Variants in RAD54L2 observed in about 807,000 individuals in gnomAD.
RAD54L2 encodes helicase ARIP4.
A neutral mutation model predicts 138.4 loss-of-function variants in RAD54L2; 27 were observed. The ratio of observed to expected loss-of-function variants is 0.20; its 90% CI spans 0.14 to 0.27. The LOEUF is 0.27. Ranked by LOEUF, RAD54L2 falls within the 10% of genes least tolerant of loss-of-function variation. RAD54L2 has a pLI of 1.00. For synonymous variants in RAD54L2, 644 were observed against 723.2 expected (o/e 0.89, Z 1.76); for missense variants, 1,396 against 1,890.2 (o/e 0.74, Z 4.85).
intron 9 of RAD54L2, 101 bp downstream of exon 9, chr3:51,634,136 G>C: frequency 7.0e-7 from 1 of 1,423,002 alleles, no homozygotes; most frequent in South Asian, 1.4e-5. Context: ...TGTGCATCTA[G>C]ATTTGTTTTT....
chr3:51,630,831 G>A lies in RAD54L2; in HGVS notation c.725G>A (p.Arg242His), dbSNP rs148878049. ...CATGTCAATGATGTCTTAAACCAGC[G>A]TGACGCCCTTGGGCGGGTCCTTGTC... ...GTHVNDVLNQ[R>H]DALGRVLVNL... Residue 242 changes from arginine (R) to histidine (H), a missense_variant, in exon 7 of 23, where the codon CGT (arginine) becomes CAT (histidine). Around this residue, in one of 7 missense-constraint regions of RAD54L2, gnomAD observed 256 missense variants for 344.6 expected, o/e 0.74. Coordinates refer to ENST00000684192, the MANE Select transcript of RAD54L2 (RefSeq NM_015106.4). 1.3e-4 allele frequency: 210 copies of A among 1,613,904 alleles called. No homozygotes were observed. The highest frequency in any genetic ancestry group is 1.6e-4 in the Non-Finnish European group (188 of 1,179,884).
intron 2 of RAD54L2, among the ~76,000 whole-genome samples, chr3:51,570,669 A>G (rs1241930673): frequency 1.4e-5 from 2 of 144,782 alleles, no homozygotes. Flanking sequence ...GTTGGCCAGG[A>G]TGGTCTTGAT....
chr3:51,652,327 G>T (rs1260864371), intron 19 of RAD54L2, among the ~76,000 whole-genome samples: 2 of 152,172 alleles, frequency 1.3e-5, no homozygotes, highest in Non-Finnish European at 2.9e-5. Context: ...GAGATAGGAA[G>T]AATCAACATC....
rs577212209 is a variant in RAD54L2 at position 51,609,497 on chromosome 3, A to C, written c.140-18056A>C. Among the ~76,000 whole-genome samples the C allele has an allele frequency of 2.0e-5, 3 of 152,316 alleles. No homozygotes were observed. In the South Asian group the frequency reaches 6.2e-4, roughly 32 times the overall value. On this transcript the variant is annotated intron_variant, in intron 3 of 22. Coordinates refer to ENST00000684192, the MANE Select transcript of RAD54L2 (RefSeq NM_015106.4). Reference sequence around the variant, plus strand: ...TCTGAAGGGATCATTTAAAATTTTCAGTTACACTTGAGTGCATTTTGTGGA... The same window carrying C: ...TCTGAAGGGATCATTTAAAATTTTCCGTTACACTTGAGTGCATTTTGTGGA...
chr3:51,549,073 A>G (rs1217963706), intron 2 of RAD54L2, among the ~76,000 whole-genome samples: 1 of 151,878 alleles, frequency 6.6e-6, no homozygotes, highest in African/African-American at 2.4e-5. Context: ...GCTCACTGCA[A>G]TCTCTGCCTC....
Position 51,635,688 on chromosome 3 carries a change from A to G in RAD54L2, c.1238A>G (p.Lys413Arg), listed in dbSNP as rs1291119680. The G allele has an allele frequency of 3.1e-6, 5 of 1,613,938 alleles. No individual in the cohort carries two copies. In the East Asian group the frequency reaches 1.1e-4, roughly 36 times the overall value. The part of the protein sequence containing the change: ...GYEMYRLLTL[K>R]KSFATGRPKK... ...GAGATGTACAGACTCCTCACTCTGA[A>G]GAAATCATTTGCCACAGGTAGACCG... The change falls in exon 10 of 23, where the codon AAG becomes AGG. Residue 413 changes from lysine (K) to arginine (R), a missense_variant. Coordinates refer to ENST00000684192, the MANE Select transcript of RAD54L2 (RefSeq NM_015106.4).
In RAD54L2 at chr3:51,662,525, C is replaced by G; in HGVS notation, c.3509C>G (p.Pro1170Arg). Residue 1170 changes from proline (P) to arginine (R), a missense_variant, in exon 23 of 23, where the codon CCT becomes CGT. This residue lies in a region of RAD54L2 where 634 missense variants were observed against 711.2 expected (regional missense o/e 0.89). Coordinates refer to ENST00000684192, the MANE Select transcript of RAD54L2 (RefSeq NM_015106.4). This position sits in a 1 kb window ranked among gnomAD's most constrained non-coding sequence, Gnocchi z 4.6. Reference protein sequence around the residue: ...DPEGLARPVSPDSPEIISELQ... With the variant: ...DPEGLARPVSRDSPEIISELQ... The stretch of plus-strand genomic sequence containing the variant: ...GAGGGGCTGGCCAGGCCCGTCTCTC[C>G]TGACAGCCCAGAGATCATCAGTGAG... The G allele has an allele frequency of 6.2e-7, 1 of 1,613,578 alleles. No homozygotes were observed. Among genetic ancestry groups the G allele is most frequent in the South Asian group, 1.1e-5 (1 of 90,998 alleles).
intron 19 of RAD54L2, among the ~76,000 whole-genome samples, chr3:51,650,291 C>A (rs1286179399): frequency 6.6e-6 from 1 of 152,114 alleles, no homozygotes; most frequent in Non-Finnish European, 1.5e-5. Context: ...TAAAGCAAGT[C>A]CTTAGAGACC....
At chr3:51,616,804 A>C (rs1480037242) in intron 3 of RAD54L2, among the ~76,000 whole-genome samples, 1 of 152,134 alleles carries the variant, frequency 6.6e-6, no homozygotes, top group African/African-American at 2.4e-5. Flanking sequence ...TTCCAGCCTG[A>C]GTGACAGAGT....
At chr3:51,598,743 G>A (rs1700023722) in intron 3 of RAD54L2, among the ~76,000 whole-genome samples, 1 of 152,024 alleles carries the variant, frequency 6.6e-6, no homozygotes, top group African/African-American at 2.4e-5. Context: ...GTGACAGAGC[G>A]AGACTCTGTC....
Position 51,633,729 on chromosome 3 carries a change from G to T in RAD54L2, c.978G>T (p.Thr326=), listed in dbSNP as rs753671462. 1.9e-6 allele frequency: 3 copies of T among 1,613,712 alleles called. No homozygotes were observed. The highest frequency in any genetic ancestry group is 2.5e-6 in the Non-Finnish European group (3 of 1,179,874). Residue 326 remains threonine (T), a synonymous_variant, in exon 8 of 23, where the codon ACG becomes ACT. Coordinates refer to ENST00000684192, the MANE Select transcript of RAD54L2 (RefSeq NM_015106.4). ...ISFIDVLFRH[T]PAKTVLAIVP... ...TCATCGACGTCCTCTTCCGCCACACGCCAGCCAAAACAGTCCTTGCCATTG... is the reference window on the plus strand; with the variant it reads ...TCATCGACGTCCTCTTCCGCCACACTCCAGCCAAAACAGTCCTTGCCATTG...
rs140344008 is a variant in RAD54L2, at chr3:51,595,563, T to A, written c.139+5004T>A. Among the ~76,000 whole-genome samples the A allele has an allele frequency of 2.6e-5, 4 of 152,284 alleles. No homozygotes were observed. The East Asian group carries it at 7.7e-4, about 29-fold the overall frequency. ...TTCCTCCTTGATACTGACCTTTGTATGTTGAGTAGTGGGATAGTAGTGCAA... is the reference window on the plus strand; with the variant it reads ...TTCCTCCTTGATACTGACCTTTGTAAGTTGAGTAGTGGGATAGTAGTGCAA... On this transcript the variant is annotated intron_variant, in intron 3 of 22. Coordinates refer to ENST00000684192, the MANE Select transcript of RAD54L2 (RefSeq NM_015106.4).
At chr3:51,581,404 T>C (rs903713909) in intron 2 of RAD54L2, among the ~76,000 whole-genome samples, 21 of 152,182 alleles carry the variant, frequency 1.4e-4, no homozygotes, top group African/African-American at 4.8e-4. Context: ...ATTTGCATTA[T>C]AAAAGGATTC....
At chr3:51,659,694 T>G (rs1701708993) in intron 21 of RAD54L2, among the ~76,000 whole-genome samples, 1 of 152,232 alleles carries the variant, frequency 6.6e-6, no homozygotes, top group African/African-American at 2.4e-5. Flanking sequence ...GCTTCTCCAT[T>G]GCATTGAACC....
chr3:51,594,406 G>A (rs1192092440), intron 3 of RAD54L2, among the ~76,000 whole-genome samples: 1 of 152,118 alleles, frequency 6.6e-6, no homozygotes, highest in Non-Finnish European at 1.5e-5. Context: ...TTGTATGTTA[G>A]GTAGGGTAGA....
chr3:51,616,421 T>G (rs1700443797), intron 3 of RAD54L2, among the ~76,000 whole-genome samples: 1 of 152,162 alleles, frequency 6.6e-6, no homozygotes, highest in South Asian at 2.1e-4. Context: ...TATCGTAAGT[T>G]TTTTTTTAAA....
At chr3:51,548,094 A>G (rs1404647801) in intron 2 of RAD54L2, among the ~76,000 whole-genome samples, 1 of 151,468 alleles carries the variant, frequency 6.6e-6, no homozygotes, top group East Asian at 1.9e-4. Context: ...GGGTTTCGCC[A>G]TGTTGGGCAG....
intron 19 of RAD54L2, among the ~76,000 whole-genome samples, chr3:51,648,469 G>A (rs529054825): frequency 6.6e-6 from 1 of 152,352 alleles, no homozygotes; most frequent in Non-Finnish European, 1.5e-5. Context: ...CGAAGTTTGA[G>A]CTCTGAGAAT....
In RAD54L2 at chr3:51,572,300, A is replaced by G. The variant is rs539761171; in HGVS notation, c.-54-18067A>G. 2.0e-5 allele frequency among the ~76,000 whole-genome samples: 3 copies of G among 152,162 alleles called. No individual in the cohort carries two copies. In the South Asian group the frequency reaches 6.2e-4, roughly 32 times the overall value. On this transcript the variant is annotated intron_variant, in intron 2 of 22. Transcript: ENST00000684192. ...CGCCCCCGTTTCTACTAAAAATACA[A>G]AAATTAGCCAGGCGTTGTGGTGGGC...
Sources: gnomAD v4.1 joint callset for allele counts (sites outside exome capture counted in the v4.1 genomes callset) on GRCh38, gnomAD v4.1.1 for gene constraint, gnomAD v4.1.1 regional missense constraint, Gnocchi (gnomAD v3.1) non-coding constraint, MANE v1.5 for transcripts, NCBI Gene and HGNC (gene_info 2026-07-23, HGNC 2026-07-21) for gene names.